Variants in GK observed in about 807,000 individuals in gnomAD.
The protein encoded by GK is ATP:glycerol 3-phosphotransferase.
Under a neutral mutation model 56.4 loss-of-function variants are expected in GK, and 9 were observed. The ratio of observed to expected loss-of-function variants is 0.16; its 90% CI spans 0.10 to 0.28. GK has a LOEUF of 0.28. Ranked by LOEUF, GK falls within the 10% of genes least tolerant of loss-of-function variation. The pLI, the probability that GK is intolerant of heterozygous loss-of-function variation, is 1.00. For missense variants in GK, 161 were observed against 431.4 expected (o/e 0.37, Z 5.55); for synonymous variants, 104 against 144.1 (o/e 0.72, Z 1.99).
At chrX:30,654,017 TG>T (rs774638229) in intron 1 of GK, among the ~76,000 whole-genome samples, 1 of 112,259 alleles carries the variant, frequency 8.9e-6, no homozygotes, top group Non-Finnish European at 1.9e-5. Flanking sequence ...CGTCCTTGGA[TG>T]GGGGGAAAGC....
In GK at chrX:30,730,251, T is replaced by G. The variant is rs1292858674; in HGVS notation, c.*1509T>G. 6 of 112,180 alleles carry G rather than the reference T, an allele frequency of 5.3e-5. No individual in the cohort carries two copies. Among genetic ancestry groups the G allele is most frequent in the African/African-American group, 1.3e-4 (4 of 30,909 alleles). The allele number at this position is 112,180 out of a possible 1,213,427, so 9.2% of individuals were successfully genotyped here. A position where few individuals can be genotyped will look rare whatever the true frequency, so the allele number is the denominator to read the frequency against. On this transcript the variant is annotated 3_prime_UTR_variant, in exon 21 of 21. Transcript: ENST00000427190. ...GCTGAATGGGAAAACATTTATATCT[T>G]ACTATAAAAGGTTCTGTTTTGTTTG...
intron 13 of GK, among the ~76,000 whole-genome samples, chrX:30,715,923 C>T (rs1456377283): frequency 8.9e-6 from 1 of 111,995 alleles, no homozygotes; most frequent in East Asian, 2.8e-4. Flanking sequence ...AAACAGTTAT[C>T]TCCTGGAGCC....
rs1472364464 is a variant in GK, at chrX:30,729,642, A to AT, written c.*907dup. 8.9e-6 allele frequency: 1 copy of AT among 112,586 alleles called. No homozygotes were observed. The highest frequency in any genetic ancestry group is 1.9e-5 in the Non-Finnish European group (1 of 53,216). 9.3% of individuals were successfully genotyped at this position (112,586 alleles called of 1,213,427 possible). ...GTTATGCATAATATTTACCAGGAGAATTTTTTTCTTAACAAGCCAACATTT... is the reference window on the plus strand; with the variant it reads ...GTTATGCATAATATTTACCAGGAGAATTTTTTTTCTTAACAAGCCAACATTT... On this transcript the variant is annotated 3_prime_UTR_variant, in exon 21 of 21. Transcript: ENST00000427190.
intron 1 of GK, 62 bp downstream of exon 1, chrX:30,653,677 G>T: frequency 1.0e-6 from 1 of 995,243 alleles, no homozygotes; most frequent in Non-Finnish European, 1.4e-6. Context: ...GGACGGAGGG[G>T]GTGGCTGTTG....
intron 4 of GK, chrX:30,689,445 G>C (rs765016608): frequency 1.3e-4 from 42 of 323,873 alleles, no homozygotes; most frequent in African/African-American, 1.1e-3. Context: ...TAAAGCAGGG[G>C]GCAGTTCTTT....
chrX:30,724,623 A>G, intron 19 of GK: 1 of 315,282 alleles, frequency 3.2e-6, no homozygotes, highest in South Asian at 2.9e-5. Flanking sequence ...TTCCAAGTAC[A>G]TAATGGGAAT....
chrX:30,655,584 G>A (rs187241742), intron 1 of GK, among the ~76,000 whole-genome samples: 37 of 112,627 alleles, frequency 3.3e-4, no homozygotes, highest in African/African-American at 8.4e-4. Flanking sequence ...GCCAAACCAA[G>A]CATGGCAGAT....
chrX:30,719,585 A>T, intron 15 of GK, 70 bp downstream of exon 15: 3 of 593,761 alleles, frequency 5.1e-6, no homozygotes, highest in Middle Eastern at 6.9e-4. Flanking sequence ...ATAACTTATT[A>T]GTTTCTTATC....
Position 30,653,525 on chromosome X carries a change from T to C in GK, c.-13T>C, listed in dbSNP as rs1931994656. 1 of 1,207,084 alleles carries C rather than the reference T, an allele frequency of 8.3e-7. No individual in the cohort carries two copies. Among genetic ancestry groups the C allele is most frequent in the African/African-American group, 1.7e-5 (1 of 57,397 alleles). ...AACCGGCCGCAATCGCCGGCCGACC[T>C]GAAGCTGGTTTCATGGCAGCCTCAA... On this transcript the variant is annotated 5_prime_UTR_variant, in exon 1 of 21. Coordinates refer to ENST00000427190, the MANE Select transcript of GK (RefSeq NM_001205019.2).
intron 13 of GK, among the ~76,000 whole-genome samples, chrX:30,714,003 T>C (rs1165348438): frequency 8.9e-6 from 1 of 111,990 alleles, no homozygotes; most frequent in African/African-American, 3.2e-5. Flanking sequence ...TAAATATTGT[T>C]CAAATACCGA....
intron 5 of GK, among the ~76,000 whole-genome samples, chrX:30,693,803 C>T (rs919844794): frequency 1.8e-5 from 2 of 111,611 alleles, no homozygotes; most frequent in Non-Finnish European, 3.8e-5. Context: ...CCTGCTTCAG[C>T]CTCCCAAAGT....
chrX:30,691,176 C>T lies in GK; in HGVS notation c.391C>T (p.Pro131Ser). 8.9e-7 allele frequency: 1 copy of T among 1,125,593 alleles called. No homozygotes were observed. Among genetic ancestry groups the T allele is most frequent in the East Asian group, 3.0e-5 (1 of 33,418 alleles). 92.8% of individuals were successfully genotyped at this position (1,125,593 alleles called of 1,213,427 possible). ...CGTTGAGAGTCTTAGTAAAAGAATT[C>T]CAGGAAATAATAACTTTGTCAAGGT... ...STVESLSKRIPGNNNFVKSKT... is the reference protein window; with the variant it reads ...STVESLSKRISGNNNFVKSKT... The change falls in exon 5 of 21, where the codon CCA (proline) becomes TCA (serine). Residue 131 changes from proline (P) to serine (S), a missense_variant. Physicochemically the swap from Pro to Ser is moderately conservative, Grantham distance 74. Transcript: ENST00000427190.
chrX:30,681,344 T>C, intron 4 of GK, among the ~76,000 whole-genome samples: 2 of 112,223 alleles, frequency 1.8e-5, no homozygotes, highest in Middle Eastern at 9.2e-3. Flanking sequence ...AGAGGAGACA[T>C]AGCTGAAGAT....
intron 6 of GK, 149 bp downstream of exon 6, chrX:30,694,686 G>A: frequency 2.1e-6 from 1 of 483,941 alleles, no homozygotes; most frequent in Admixed American, 3.9e-5. Flanking sequence ...GAAGTTTTCA[G>A]CTTCCATTCG....
intron 11 of GK, among the ~76,000 whole-genome samples, chrX:30,704,937 A>G: frequency 8.9e-6 from 1 of 112,301 alleles, no homozygotes; most frequent in East Asian, 2.8e-4. Flanking sequence ...GCAAATGGTC[A>G]AAAGAGATGT....
chrX:30,730,868 C>A lies in GK; in HGVS notation c.*2126C>A, dbSNP rs1937318070. On this transcript the variant is annotated 3_prime_UTR_variant, in exon 21 of 21. Coordinates refer to ENST00000427190, the MANE Select transcript of GK (RefSeq NM_001205019.2). ...GATAGGGCACACTCTGAAGAGTTAA[C>A]CAACAGCCAAAGAAGTAATTTCTGT... 9.0e-6 allele frequency: 1 copy of A among 111,471 alleles called. No homozygotes were observed. 9.2% of individuals were successfully genotyped at this position (111,471 alleles called of 1,213,427 possible). A position where few individuals can be genotyped will look rare whatever the true frequency, so the allele number is the denominator to read the frequency against.
At chrX:30,704,122 T>C (rs1935846824) in intron 11 of GK, among the ~76,000 whole-genome samples, 1 of 42,298 alleles carries the variant, frequency 2.4e-5, no homozygotes, top group Non-Finnish European at 4.2e-5. Flanking sequence ...AATGCAGTTA[T>C]TCATTTTATA....
At chrX:30,673,466 G>A (rs962228581) in intron 3 of GK, among the ~76,000 whole-genome samples, 9 of 111,853 alleles carry the variant, frequency 8.0e-5, no homozygotes, top group African/African-American at 2.6e-4. Context: ...AAAAAACATA[G>A]AGGATTTTAG....
chrX:30,711,696 A>G (rs1341585928), intron 13 of GK, among the ~76,000 whole-genome samples: 1 of 112,233 alleles, frequency 8.9e-6, no homozygotes, highest in Non-Finnish European at 1.9e-5. Flanking sequence ...TCTTTAAAAC[A>G]AACAAGACAA....
Sources: allele counts gnomAD v4.1 joint callset (sites outside exome capture counted in the v4.1 genomes callset), GRCh38; gene constraint gnomAD v4.1.1; transcripts MANE v1.5; gene names NCBI Gene and HGNC (gene_info 2026-07-23, HGNC 2026-07-21).